The following EXD2 variants were observed in gnomAD, a reference collection of about 807,000 sequenced individuals.
The protein encoded by EXD2 is exonuclease 3'-5' domain containing 2.
A neutral mutation model predicts 62.5 loss-of-function variants in EXD2; 40 were observed. That is an observed-to-expected ratio of 0.64 (90% CI 0.50 to 0.83). EXD2 has a LOEUF of 0.83. EXD2 is among the 40% of genes least tolerant of loss of function. The probability of loss-of-function intolerance (pLI) is 0.00; values close to 1 mark genes in which losing one functional copy is unlikely to be tolerated. For synonymous variants in EXD2, 239 were observed against 291.9 expected (o/e 0.82, Z 1.85); for missense variants, 671 against 761.8 (o/e 0.88, Z 1.40).
At chr14:69,232,833 T>C (rs2043634142) in intron 5 of EXD2, among the ~76,000 whole-genome samples, 1 of 152,240 alleles carries the variant, frequency 6.6e-6, no homozygotes, top group Non-Finnish European at 1.5e-5. Flanking sequence ...TTTTCTACCA[T>C]TGGTTGTTTG....
At position 69,240,449 on chromosome 14, in the gene EXD2, A is replaced by C. The variant is rs142424405; in HGVS notation, c.1650-435A>C. ...CTTGCATTTGACATTCAGTTATTAA[A>C]TTGTGTTGTGAAAAAGTGTAACATG... On this transcript the variant is annotated intron_variant, in intron 9 of 9. Transcript: ENST00000685843. Among the ~76,000 whole-genome samples, 3 of 152,340 alleles carry C rather than the reference A, an allele frequency of 2.0e-5. No individual in the cohort carries two copies. In the East Asian group the frequency reaches 5.8e-4, roughly 29 times the overall value.
At chr14:69,222,787 G>A (rs538953166) in intron 3 of EXD2, among the ~76,000 whole-genome samples, 2 of 152,180 alleles carry the variant, frequency 1.3e-5, no homozygotes, top group South Asian at 2.1e-4. Context: ...GGCCTCTAGG[G>A]TCTATCTTTC....
At chr14:69,234,293 T>C (rs2043692731) in intron 5 of EXD2, among the ~76,000 whole-genome samples, 1 of 152,196 alleles carries the variant, frequency 6.6e-6, no homozygotes, top group Non-Finnish European at 1.5e-5. Flanking sequence ...ATTTCAGCCA[T>C]TCCAGAGGAT....
intron 2 of EXD2, among the ~76,000 whole-genome samples, chr14:69,208,454 C>T (rs2140231348): frequency 6.6e-6 from 1 of 152,294 alleles, no homozygotes; most frequent in African/African-American, 2.4e-5. Context: ...TCGTGATCCA[C>T]CTGCCTCGGC....
intron 3 of EXD2, among the ~76,000 whole-genome samples, chr14:69,217,807 G>A (rs1273968837): frequency 1.3e-5 from 2 of 152,058 alleles, no homozygotes; most frequent in East Asian, 1.9e-4. Flanking sequence ...TTTTGTCCTT[G>A]CGATAGTTTG....
At chr14:69,231,410 C>T (rs966733457) in intron 5 of EXD2, among the ~76,000 whole-genome samples, 7 of 152,116 alleles carry the variant, frequency 4.6e-5, no homozygotes, top group African/African-American at 4.8e-5. Flanking sequence ...GCTCCCCTGT[C>T]CCCGGACAAA....
chr14:69,236,148 T>C lies in EXD2; in HGVS notation c.1152T>C (p.Ile384=). Residue 384 remains isoleucine, a synonymous_variant, in exon 7 of 10, where the codon ATT becomes ATC. Transcript: ENST00000685843. ...CTCAGTGGTACCTGGACAAAGGCAT[T>C]GGTGGTATGAGATTCAGCTGTCCTT... The part of the protein sequence containing the change: ...RKAQWYLDKG[I]GELVSEEPFV... The C allele has an allele frequency of 8.7e-6, 14 of 1,612,992 alleles. No homozygotes were observed. Among genetic ancestry groups the C allele is most frequent in the Non-Finnish European group, 1.1e-5 (13 of 1,178,970 alleles).
chr14:69,208,595 A>G (rs1246620821), intron 2 of EXD2, among the ~76,000 whole-genome samples: 1 of 152,214 alleles, frequency 6.6e-6, no homozygotes, highest in Non-Finnish European at 1.5e-5. Context: ...TTTCTCACAT[A>G]TAGGAAAACA....
intron 4 of EXD2, 79 bp from the exon 5 acceptor site, chr14:69,230,393 C>A: frequency 3.5e-6 from 3 of 847,418 alleles, no homozygotes; most frequent in Admixed American, 2.6e-5. Flanking sequence ...TGTTTATTGG[C>A]CATTTATATG....
At chr14:69,231,453 A>T (rs2043576434) in intron 5 of EXD2, among the ~76,000 whole-genome samples, 1 of 152,122 alleles carries the variant, frequency 6.6e-6, no homozygotes, top group African/African-American at 2.4e-5. Context: ...AATTTAGGTA[A>T]ATCATCATTT....
chr14:69,218,142 G>GTCCCACCAACAGTGTAAAAGTGTTCC (rs1477997422), intron 3 of EXD2, among the ~76,000 whole-genome samples: 1 of 152,168 alleles, frequency 6.6e-6, no homozygotes, highest in Non-Finnish European at 1.5e-5. Context: ...CTAGTTTACA[G>GTCCCACCAACAGTGTAAAAGTGTTCC]TCCCACCAAC....
chr14:69,235,971 G>T, intron 6 of EXD2, 75 bp from the exon 7 acceptor site: 1 of 1,046,978 alleles, frequency 9.6e-7, no homozygotes, highest in South Asian at 1.3e-5. Flanking sequence ...ACTCAGAAGA[G>T]AGCATGGGAA....
At chr14:69,203,004 G>A (rs1408089284) in intron 1 of EXD2, among the ~76,000 whole-genome samples, 1 of 152,140 alleles carries the variant, frequency 6.6e-6, no homozygotes, top group South Asian at 2.1e-4. Flanking sequence ...GGATCCAGCT[G>A]CTGGGAAGTA....
intron 1 of EXD2, among the ~76,000 whole-genome samples, chr14:69,201,681 T>G (rs968313776): frequency 0.01 from 1,365 of 133,100 alleles, 36 homozygotes; most frequent in African/African-American, 0.037. Context: ...TGTTTTTTTT[T>G]TTTTTTTTTT....
chr14:69,231,160 A>T (rs577849176), intron 5 of EXD2, among the ~76,000 whole-genome samples: 13 of 152,306 alleles, frequency 8.5e-5, no homozygotes, highest in South Asian at 2.1e-4. Context: ...ATTTAAAAAA[A>T]ATATAGTGTT....
intron 1 of EXD2, among the ~76,000 whole-genome samples, chr14:69,198,635 C>A (rs1207584890): frequency 1.3e-5 from 2 of 152,112 alleles, no homozygotes; most frequent in Non-Finnish European, 2.9e-5. Flanking sequence ...AATGTGAGCC[C>A]CAATTTAAAA....
At position 69,228,804 on chromosome 14, in the gene EXD2, C is replaced by T. The variant is rs1373519108; in HGVS notation, c.334-12C>T. 1 of 1,605,148 alleles carries T rather than the reference C, an allele frequency of 6.2e-7. No individual in the cohort carries two copies. Among genetic ancestry groups the T allele is most frequent in the African/African-American group, 1.3e-5 (1 of 74,750 alleles). ...CAGGTGTGAACCACAACCTTGTCTT[C>T]CTCTGTTGCAGGTAAATTTGGAAGG... On this transcript the variant is annotated splice_polypyrimidine_tract_variant and intron_variant, in intron 3 of 9. Transcript: ENST00000685843.
At chr14:69,206,530 T>C (rs1026215233) in intron 2 of EXD2, among the ~76,000 whole-genome samples, 9 of 137,466 alleles carry the variant, frequency 6.5e-5, no homozygotes, top group African/African-American at 1.9e-4. Context: ...GTGCAGTGGG[T>C]GCAGTGGCAC....
chr14:69,225,556 A>G (rs2043329109), intron 3 of EXD2, among the ~76,000 whole-genome samples: 1 of 152,228 alleles, frequency 6.6e-6, no homozygotes, highest in African/African-American at 2.4e-5. Flanking sequence ...TTATAAATAT[A>G]TATAGTATAT....
Sources: gnomAD v4.1 joint callset for allele counts (sites outside exome capture counted in the v4.1 genomes callset) on GRCh38, gnomAD v4.1.1 for gene constraint, MANE v1.5 for transcripts, NCBI Gene and HGNC (gene_info 2026-07-23, HGNC 2026-07-21) for gene names.